MUSK: variants seen among roughly 807,000 people sequenced by gnomAD.
The protein encoded by MUSK is muscle, skeletal receptor tyrosine-protein kinase.
MUSK carries 55 observed loss-of-function variants against 88.7 expected under a neutral mutation model. That is an observed-to-expected ratio of 0.62 (90% CI 0.50 to 0.78). MUSK has a LOEUF of 0.78. Among genes scored for constraint, MUSK ranks in the 30% least tolerant of loss-of-function variants. The pLI is 0.00. For synonymous variants in MUSK, 387 were observed against 391.9 expected (o/e 0.99, Z 0.15); for missense variants, 1,015 against 1,074.3 (o/e 0.94, Z 0.77).
At chr9:110,744,262 C>T (rs903214364) in intron 6 of MUSK, among the ~76,000 whole-genome samples, 8 of 152,182 alleles carry the variant, frequency 5.3e-5, no homozygotes, top group Non-Finnish European at 1.2e-4. Flanking sequence ...CCACTGCACC[C>T]GGCCCTGGGC....
Position 110,677,801 on chromosome 9 carries a change from C to A in MUSK, c.80-4873C>A, listed in dbSNP as rs1483034534. Among the ~76,000 whole-genome samples, 15 of 152,230 alleles carry A rather than the reference C, an allele frequency of 9.9e-5. No individual in the cohort carries two copies. In the East Asian group the frequency reaches 2.9e-3, roughly 29 times the overall value. ...AAAGAAATACTATTATATTCCGACT[C>A]TACTAATGGTTTTCAAGTAGGGAAT... is the stretch of plus-strand genomic sequence containing the variant. On this transcript the variant is annotated intron_variant, in intron 1 of 14. Coordinates refer to ENST00000374448, the MANE Select transcript of MUSK (RefSeq NM_005592.4).
intron 9 of MUSK, among the ~76,000 whole-genome samples, chr9:110,768,419 T>C (rs2766983): frequency 0.85 from 129,646 of 152,106 alleles, 55,604 homozygotes; most frequent in African/African-American, 0.95. Context: ...TCACTTGAAC[T>C]GGGGAGGCAG....
intron 14 of MUSK, among the ~76,000 whole-genome samples, chr9:110,798,733 C>T (rs1162580469): frequency 6.6e-6 from 1 of 151,994 alleles, no homozygotes. Context: ...TGAAGTCCCA[C>T]CTAAGAGTTG....
chr9:110,786,279 C>CCAGCCTGGGTGA (rs1177143990), intron 13 of MUSK, among the ~76,000 whole-genome samples: 4 of 146,596 alleles, frequency 2.7e-5, no homozygotes, highest in Admixed American at 6.8e-5. Context: ...CCACTGCACT[C>CCAGCCTGGGTGA]CAGCCTGGGT....
chr9:110,726,500 C>A (rs1182281632), intron 5 of MUSK, among the ~76,000 whole-genome samples: 2 of 152,182 alleles, frequency 1.3e-5, no homozygotes, highest in African/African-American at 4.8e-5. Flanking sequence ...AATTGACCTG[C>A]AGTTGCCCTT....
intron 13 of MUSK, among the ~76,000 whole-genome samples, chr9:110,786,253 G>C (rs573245520): frequency 1.3e-5 from 2 of 149,144 alleles, no homozygotes; most frequent in African/African-American, 4.9e-5. Flanking sequence ...AGAGGTTGCA[G>C]TGAGCCAAGA....
chr9:110,774,866 T>C (rs62571378), intron 9 of MUSK, among the ~76,000 whole-genome samples: 44,806 of 138,810 alleles, frequency 0.32, 7,137 homozygotes, highest in Non-Finnish European at 0.36. Context: ...GGCATATATA[T>C]ACACACACAC....
intron 1 of MUSK, among the ~76,000 whole-genome samples, chr9:110,669,191 A>G (rs901523685): frequency 7.9e-5 from 12 of 152,216 alleles, no homozygotes; most frequent in African/African-American, 2.9e-4. Context: ...AAGTTCTGCA[A>G]TAAAAGGCTT....
At chr9:110,691,439 C>T (rs1297328104) in intron 3 of MUSK, among the ~76,000 whole-genome samples, 1 of 152,128 alleles carries the variant, frequency 6.6e-6, no homozygotes, top group African/African-American at 2.4e-5. Flanking sequence ...ACATCACCAG[C>T]ATCATCATGT....
chr9:110,799,374 G>A (rs1479055411), intron 14 of MUSK, among the ~76,000 whole-genome samples: 1 of 152,140 alleles, frequency 6.6e-6, no homozygotes, highest in Non-Finnish European at 1.5e-5. Context: ...ATTTGAAAAT[G>A]ATCTTCTGGC....
chr9:110,747,408 C>A (rs917550529), intron 6 of MUSK, among the ~76,000 whole-genome samples: 1 of 152,174 alleles, frequency 6.6e-6, no homozygotes, highest in Non-Finnish European at 1.5e-5. Flanking sequence ...TTCCAAAACA[C>A]ATCACAAGGC....
chr9:110,720,297 C>A (rs1054901284), intron 5 of MUSK, among the ~76,000 whole-genome samples: 2 of 151,708 alleles, frequency 1.3e-5, no homozygotes, highest in African/African-American at 4.8e-5. Flanking sequence ...ATAAATGAAA[C>A]AAAAAGCTGG....
At position 110,734,297 on chromosome 9, in the gene MUSK, T is replaced by C; in HGVS notation, c.675T>C (p.Phe225=). 6.2e-7 allele frequency: 1 copy of C among 1,613,246 alleles called. No homozygotes were observed. Among genetic ancestry groups the C allele is most frequent in the East Asian group, 2.2e-5 (1 of 44,832 alleles). The part of the protein sequence containing the change: ...LRAPESHNVT[F]GSFVTLHCTA... ...CTCCTGAATCCCACAATGTCACCTT[T>C]GGCTCCTTTGTGACCCTGCACTGTA... Residue 225 remains phenylalanine (F), a synonymous_variant, in exon 6 of 15, where the codon TTT becomes TTC. Transcript: ENST00000374448.
intron 8 of MUSK, among the ~76,000 whole-genome samples, chr9:110,765,011 T>G (rs1182507569): frequency 6.6e-6 from 1 of 152,204 alleles, no homozygotes; most frequent in African/African-American, 2.4e-5. Flanking sequence ...TAGTTGATTG[T>G]TAGTAATCCT....
In MUSK at chr9:110,801,842, T is replaced by C. The variant is rs2132071752; in HGVS notation, c.*854T>C. ...TTCTGTCCTTTTTTAGTTATTAAGC[T>C]ATTTTTTTCTTTTATTTCATTCATG... On this transcript the variant is annotated 3_prime_UTR_variant, in exon 15 of 15. Transcript: ENST00000374448. 6.6e-6 allele frequency among the ~76,000 whole-genome samples: 1 copy of C among 152,362 alleles called. No individual in the cohort carries two copies. The highest frequency in any genetic ancestry group is 2.1e-4 in the South Asian group (1 of 4,834).
chr9:110,676,688 T>C (rs2076034810), intron 1 of MUSK, among the ~76,000 whole-genome samples: 1 of 151,730 alleles, frequency 6.6e-6, no homozygotes, highest in Non-Finnish European at 1.5e-5. Flanking sequence ...CTGAAGAGAA[T>C]GGCTTCCAGC....
chr9:110,715,836 C>G (rs2076735952), intron 5 of MUSK, among the ~76,000 whole-genome samples: 1 of 148,970 alleles, frequency 6.7e-6, no homozygotes, highest in African/African-American at 2.6e-5. Context: ...ATAGATGGAG[C>G]TGGAAGCCAT....
chr9:110,775,726 G>A (rs2131986794), intron 9 of MUSK, 62 bp from the exon 10 acceptor site: 1 of 1,480,046 alleles, frequency 6.8e-7, no homozygotes, highest in Non-Finnish European at 9.4e-7. Flanking sequence ...TTTAGGCTCT[G>A]CCACAAATTT....
intron 11 of MUSK, 32 bp from the exon 12 acceptor site, chr9:110,784,783 G>T: frequency 6.4e-7 from 1 of 1,554,808 alleles, no homozygotes; most frequent in Non-Finnish European, 8.7e-7. Flanking sequence ...AAAGGTTTGA[G>T]AATGAATGAA....
Sources: gnomAD v4.1 joint callset for allele counts (sites outside exome capture counted in the v4.1 genomes callset) on GRCh38, gnomAD v4.1.1 for gene constraint, MANE v1.5 for transcripts, NCBI Gene and HGNC (gene_info 2026-07-23, HGNC 2026-07-21) for gene names.